The following ARK2C variants were observed in gnomAD, a reference collection of about 807,000 sequenced individuals.
The protein encoded by ARK2C is arkadia (RNF111) C-terminal like ring finger ubiquitin ligase 2C, also known as E3 ubiquitin-protein ligase ARK2C.
chr18:46,435,965 A>T, the ARK2C span, among the ~76,000 whole-genome samples: 1 of 152,164 alleles, frequency 6.6e-6, no homozygotes, highest in African/African-American at 2.4e-5. Flanking sequence ...GTTGTTGCTG[A>T]GTCTTTGCAG....
the ARK2C span, among the ~76,000 whole-genome samples, chr18:46,455,465 C>CA: frequency 2.0e-5 from 3 of 152,144 alleles, no homozygotes. Context: ...CCTGGGACAG[C>CA]AAAAATGATG....
chr18:46,385,300 G>A, the ARK2C span, among the ~76,000 whole-genome samples: 2 of 152,196 alleles, frequency 1.3e-5, no homozygotes, highest in Admixed American at 6.5e-5. Context: ...AGATGAAAGT[G>A]GTGGCTTGTG....
At chr18:46,339,687 T>C in the ARK2C span, among the ~76,000 whole-genome samples, 1 of 152,238 alleles carries the variant, frequency 6.6e-6, no homozygotes, top group African/African-American at 2.4e-5. Context: ...ACAAGAGAAC[T>C]TCTCTCTTGA....
chr18:46,392,962 C>A, the ARK2C span, among the ~76,000 whole-genome samples: 1 of 152,192 alleles, frequency 6.6e-6, no homozygotes, highest in South Asian at 2.1e-4. Context: ...CAAGACACAC[C>A]ACCCTGGAAG....
chr18:46,437,825 C>A, the ARK2C span, among the ~76,000 whole-genome samples: 1 of 152,192 alleles, frequency 6.6e-6, no homozygotes, highest in Non-Finnish European at 1.5e-5. Context: ...GTGGACTATA[C>A]CCCACTCTGT....
At chr18:46,342,899 G>T in the ARK2C span, among the ~76,000 whole-genome samples, 3 of 152,036 alleles carry the variant, frequency 2.0e-5, no homozygotes, top group South Asian at 2.1e-4. Flanking sequence ...GTTGTTTTTT[G>T]GGGGGGAGTG....
At chr18:46,387,538 A>G in the ARK2C span, among the ~76,000 whole-genome samples, 2 of 152,258 alleles carry the variant, frequency 1.3e-5, no homozygotes, top group Admixed American at 1.3e-4. Context: ...GCTGTGCAAA[A>G]TGTGGAAGTC....
At chr18:46,378,863 C>T in the ARK2C span, among the ~76,000 whole-genome samples, 1 of 152,168 alleles carries the variant, frequency 6.6e-6, no homozygotes, top group African/African-American at 2.4e-5. Context: ...AGGTGCCCCT[C>T]CTATGAAGCA....
the ARK2C span, among the ~76,000 whole-genome samples, chr18:46,406,812 C>G: frequency 9.2e-5 from 14 of 152,302 alleles, no homozygotes; most frequent in Non-Finnish European, 1.8e-4. Context: ...TGGCGTTGGG[C>G]CTGGCAGGTG....
At chr18:46,395,335 G>T in the ARK2C span, among the ~76,000 whole-genome samples, 1 of 152,178 alleles carries the variant, frequency 6.6e-6, no homozygotes, top group Non-Finnish European at 1.5e-5. Context: ...TGTCACTACT[G>T]ACATTTTGGG....
the ARK2C span, among the ~76,000 whole-genome samples, chr18:46,430,025 G>A: frequency 2.6e-5 from 4 of 152,200 alleles, no homozygotes; most frequent in Non-Finnish European, 2.9e-5. Context: ...CCTGTGGAAT[G>A]GCTGCAGAGA....
the ARK2C span, among the ~76,000 whole-genome samples, chr18:46,426,420 C>T: frequency 6.6e-6 from 1 of 152,160 alleles, no homozygotes; most frequent in Non-Finnish European, 1.5e-5. Flanking sequence ...CACCCACTAT[C>T]CAGCAGCCAG....
chr18:46,421,055 T>C, the ARK2C span, among the ~76,000 whole-genome samples: 1 of 152,090 alleles, frequency 6.6e-6, no homozygotes, highest in Non-Finnish European at 1.5e-5. Flanking sequence ...AGGACTTCTG[T>C]TTTGGGTCTG....
At chr18:46,377,092 G>T in the ARK2C span, among the ~76,000 whole-genome samples, 6 of 152,162 alleles carry the variant, frequency 3.9e-5, no homozygotes, top group African/African-American at 1.4e-4. Flanking sequence ...GGAGAGGTTT[G>T]AATATGGTGA....
chr18:46,421,187 T>G, the ARK2C span, among the ~76,000 whole-genome samples: 1 of 152,364 alleles, frequency 6.6e-6, no homozygotes, highest in Non-Finnish European at 1.5e-5. Flanking sequence ...ATTCCCAGTC[T>G]TTCTGTCTGT....
At chr18:46,447,777 A>G in the ARK2C span, 1 of 1,527,762 alleles carries the variant, frequency 6.5e-7, no homozygotes, top group Non-Finnish European at 9.0e-7. Flanking sequence ...CCTGGCTGCT[A>G]CATGGCCTGG....
chr18:46,398,275 T>A, the ARK2C span, among the ~76,000 whole-genome samples: 1 of 150,318 alleles, frequency 6.7e-6, no homozygotes, highest in Admixed American at 6.6e-5. Flanking sequence ...GTGCATGTGG[T>A]GTGTGTGTGA....
chr18:46,342,072 G>C, the ARK2C span, among the ~76,000 whole-genome samples: 1 of 152,086 alleles, frequency 6.6e-6, no homozygotes, highest in Non-Finnish European at 1.5e-5. Flanking sequence ...GGGTTTTTTC[G>C]CAATTCAAAG....
the ARK2C span, chr18:46,450,546 C>A: frequency 2.5e-6 from 2 of 804,778 alleles, no homozygotes; most frequent in South Asian, 3.1e-5. Flanking sequence ...GAAGGGAGAG[C>A]CAGTAGAGAT....
Sources: gnomAD v4.1 joint callset for allele counts (sites outside exome capture counted in the v4.1 genomes callset) on GRCh38, gnomAD v4.1.1 for gene constraint, MANE v1.5 for transcripts, NCBI Gene and HGNC (gene_info 2026-07-23, HGNC 2026-07-21) for gene names.